The following RELN variants were observed in gnomAD, a reference collection of about 807,000 sequenced individuals.
RELN encodes reelin.
A neutral mutation model predicts 427.6 loss-of-function variants in RELN; 108 were observed. The observed-to-expected ratio is 0.25, with a 90% CI of 0.22 to 0.30. The LOEUF is 0.30. Among genes scored for constraint, RELN ranks in the 10% least tolerant of loss-of-function variants. RELN has a pLI of 1.00. For synonymous variants in RELN, 1,524 were observed against 1,513.4 expected, an observed-to-expected ratio of 1.01 and a Z score of -0.16; for missense variants, 3,715 against 4,302.8, an observed-to-expected ratio of 0.86 and a Z score of 3.82.
intron 7 of RELN, among the ~76,000 whole-genome samples, chr7:103,727,539 A>G (rs1790242635): frequency 6.6e-6 from 1 of 152,220 alleles, no homozygotes; most frequent in Non-Finnish European, 1.5e-5. Context: ...TTCATTTTAT[A>G]TATGATTTGG....
At chr7:103,499,057 T>C (rs1215001766) in intron 53 of RELN, among the ~76,000 whole-genome samples, 1 of 152,182 alleles carries the variant, frequency 6.6e-6, no homozygotes, top group Non-Finnish European at 1.5e-5. Flanking sequence ...CTTCAGCCTC[T>C]AGCACAGAAT....
rs1794591584 is a variant in RELN, at chr7:103,880,872, T to G, written c.337+36203A>C. On this transcript the variant is annotated intron_variant, in intron 2 of 64. Coordinates refer to ENST00000428762, the MANE Select transcript of RELN (RefSeq NM_005045.4). ...CATGCGCAGCTAATTTTTTTTCTAG[T>G]TTTTGTAAAGATGGGGTTTCACCAT... 2.0e-5 allele frequency among the ~76,000 whole-genome samples: 3 copies of G among 152,192 alleles called. No individual in the cohort carries two copies. In the South Asian group the frequency reaches 6.2e-4, roughly 32 times the overall value.
intron 1 of RELN, among the ~76,000 whole-genome samples, chr7:103,923,002 T>C (rs921770863): frequency 1.3e-5 from 2 of 152,176 alleles, no homozygotes; most frequent in African/African-American, 4.8e-5. Flanking sequence ...TAAGCATTAG[T>C]GATGATGCAC....
At chr7:103,500,022 GACAGA>G (rs1828973114) in intron 53 of RELN, among the ~76,000 whole-genome samples, 1 of 152,188 alleles carries the variant, frequency 6.6e-6, no homozygotes, top group East Asian at 1.9e-4. Flanking sequence ...AAACACAAAT[GACAGA>G]ACAGGTTTGA....
At chr7:103,633,275 T>C (rs1832509455) in intron 19 of RELN, among the ~76,000 whole-genome samples, 1 of 152,088 alleles carries the variant, frequency 6.6e-6, no homozygotes, top group African/African-American at 2.4e-5. Flanking sequence ...CAATTTACAC[T>C]GAAGGAAATA....
chr7:103,472,724 T>A lies in RELN; in HGVS notation c.*88A>T, dbSNP rs1180860259. The A allele has an allele frequency of 1.5e-5, 16 of 1,053,508 alleles. No homozygotes were observed. The highest frequency in any genetic ancestry group is 2.9e-6 in the Non-Finnish European group (2 of 681,886). The allele number at this position is 1,053,508 out of a possible 1,614,324, so 65.3% of individuals were successfully genotyped here. A position where few individuals can be genotyped will look rare whatever the true frequency, so the allele number is the denominator to read the frequency against. ...TAATCACCAAGTCCTTCACAGATAT[T>A]TCCTGATATCAGATGTAGTGCGAGA... On this transcript the variant is annotated 3_prime_UTR_variant, in exon 65 of 65. Coordinates refer to ENST00000428762, the MANE Select transcript of RELN (RefSeq NM_005045.4).
At chr7:103,688,128 G>A (rs965014680) in intron 10 of RELN, among the ~76,000 whole-genome samples, 13 of 152,036 alleles carry the variant, frequency 8.6e-5, no homozygotes, top group Admixed American at 3.3e-4. Flanking sequence ...CAAGCAAAGG[G>A]AATTTAGGTA....
intron 28 of RELN, among the ~76,000 whole-genome samples, chr7:103,587,921 CT>C (rs1183407320): frequency 2.6e-5 from 4 of 152,146 alleles, no homozygotes; most frequent in Non-Finnish European, 5.9e-5. Flanking sequence ...AAAGGGAACT[CT>C]TATATACTGT....
Position 103,682,189 on chromosome 7 carries a change from T to C in RELN, c.1216A>G (p.Thr406Ala). 6.2e-7 allele frequency: 1 copy of C among 1,614,038 alleles called. No homozygotes were observed. The highest frequency in any genetic ancestry group is 8.5e-7 in the Non-Finnish European group (1 of 1,179,932). The change falls in exon 11 of 65, where the codon ACC becomes GCC. Residue 406 changes from threonine (T) to alanine (A), a missense_variant. By Grantham distance (58) the Thr-to-Ala change is moderately conservative. Transcript: ENST00000428762. Reference sequence around the variant, plus strand: ...TCTGTGGAAAGATCTACATCCCTGGTGGTGGCAAAATTGAACTCGCTGCCT... The same window carrying C: ...TCTGTGGAAAGATCTACATCCCTGGCGGTGGCAAAATTGAACTCGCTGCCT... ...NEGSEFNFAT[T>A]RDVDLSTEDI... is the part of the protein sequence containing the mutation.
chr7:103,528,947 CCAA>C (rs1195242554), intron 46 of RELN, among the ~76,000 whole-genome samples: 3 of 151,278 alleles, frequency 2.0e-5, no homozygotes, highest in East Asian at 3.9e-4. Flanking sequence ...ACCATCCTGG[CCAA>C]CATGGTGAAA....
intron 6 of RELN, among the ~76,000 whole-genome samples, chr7:103,746,993 A>AT (rs1458433044): frequency 1.3e-5 from 2 of 152,228 alleles, no homozygotes; most frequent in Non-Finnish European, 2.9e-5. Flanking sequence ...TATTCACAAT[A>AT]GCAAAGACTT....
chr7:103,760,241 C>T (rs1791264736), intron 4 of RELN, among the ~76,000 whole-genome samples: 1 of 148,830 alleles, frequency 6.7e-6, no homozygotes, highest in South Asian at 2.1e-4. Context: ...AGACAAATCA[C>T]ATGCTAAAAG....
intron 27 of RELN, among the ~76,000 whole-genome samples, chr7:103,591,429 T>C (rs564560027): frequency 6.6e-6 from 1 of 152,362 alleles, no homozygotes; most frequent in African/African-American, 2.4e-5. Context: ...GAAGATTTAG[T>C]ATCTTCTTTA....
intron 4 of RELN, among the ~76,000 whole-genome samples, chr7:103,774,161 G>C (rs1187695886): frequency 1.3e-5 from 2 of 152,014 alleles, no homozygotes; most frequent in East Asian, 3.9e-4. Context: ...GCCGGGTGCA[G>C]TGGCACACAC....
chr7:103,716,681 C>CTTATATA (rs1789946701), intron 8 of RELN, among the ~76,000 whole-genome samples: 1 of 152,070 alleles, frequency 6.6e-6, no homozygotes, highest in Non-Finnish European at 1.5e-5. Flanking sequence ...TAGGTGTGTG[C>CTTATATA]CAAATTCTGT....
intron 3 of RELN, among the ~76,000 whole-genome samples, chr7:103,831,561 A>C (rs1030253605): frequency 3.9e-5 from 6 of 152,160 alleles, no homozygotes; most frequent in Non-Finnish European, 8.8e-5. Context: ...AGTTTTACAG[A>C]AGAGTTGGCA....
At chr7:103,567,227 C>T (rs1332802208) in intron 31 of RELN, among the ~76,000 whole-genome samples, 2 of 152,234 alleles carry the variant, frequency 1.3e-5, no homozygotes, top group Non-Finnish European at 2.9e-5. Flanking sequence ...GATCCTTTTA[C>T]TTGCACTTCG....
In RELN at chr7:103,558,636, G is replaced by A. The variant is rs114951376; in HGVS notation, c.5530-587C>T. Reference sequence around the variant, plus strand: ...TTCATGCAGAGAAGTCAATGAACAAGGAAAGAGATCACATTAGCTTTCGTA... The same window carrying A: ...TTCATGCAGAGAAGTCAATGAACAAAGAAAGAGATCACATTAGCTTTCGTA... On this transcript the variant is annotated intron_variant, in intron 36 of 64. Coordinates refer to ENST00000428762, the MANE Select transcript of RELN (RefSeq NM_005045.4). Among the ~76,000 whole-genome samples, 895 of 152,276 alleles carry A rather than the reference G, an allele frequency of 5.9e-3. 12 individuals are homozygous for A. The highest frequency in any genetic ancestry group is 0.019 in the African/African-American group (791 of 41,556).
chr7:103,566,733 T>C lies in RELN; in HGVS notation c.4615A>G (p.Asn1539Asp). The C allele has an allele frequency of 6.2e-7, 1 of 1,614,156 alleles. No individual in the cohort carries two copies. Among genetic ancestry groups the C allele is most frequent in the Non-Finnish European group, 8.5e-7 (1 of 1,179,978 alleles). ...CGAAGCAAATGCCAGAGTATCCCAT[T>C]GTCATTTGAATACTGAACAATAAGC... is the stretch of plus-strand genomic sequence containing the variant. ...EGLIVQYSND[N>D]GILWHLLREL... The change falls in exon 32 of 65, where the codon AAT becomes GAT. Residue 1539 changes from asparagine to aspartate, a missense_variant. Asn to Asp is a conservative substitution (Grantham distance 23). This residue lies in a region of RELN where 2,208 missense variants were observed against 2,361.7 expected (regional missense o/e 0.93). Coordinates refer to ENST00000428762, the MANE Select transcript of RELN (RefSeq NM_005045.4).
Sources: allele counts gnomAD v4.1 joint callset (sites outside exome capture counted in the v4.1 genomes callset), GRCh38; gene constraint gnomAD v4.1.1; regional missense constraint gnomAD v4.1.1; transcripts MANE v1.5; gene names NCBI Gene and HGNC (gene_info 2026-07-23, HGNC 2026-07-21).